ADCY2: variants seen among roughly 807,000 people sequenced by gnomAD.
ADCY2 encodes the protein adenylate cyclase 2, also known as adenylate cyclase type 2.
ADCY2 carries 31 observed loss-of-function variants against 125.2 expected under a neutral mutation model. The ratio of observed to expected loss-of-function variants is 0.25; its 90% CI spans 0.19 to 0.33. The LOEUF (loss-of-function observed/expected upper bound fraction) is 0.33, where lower values mean the gene tolerates loss of function less well. ADCY2 is among the 10% of genes least tolerant of loss of function. The pLI, the probability that ADCY2 is intolerant of heterozygous loss-of-function variation, is 1.00. For synonymous variants in ADCY2, 512 were observed against 548.4 expected, an observed-to-expected ratio of 0.93 and a Z score of 0.93; for missense variants, 904 against 1,418.2, an observed-to-expected ratio of 0.64 and a Z score of 5.82.
intron 3 of ADCY2, among the ~76,000 whole-genome samples, chr5:7,573,593 CTTT>C (rs763347773): frequency 5.8e-5 from 5 of 86,372 alleles, no homozygotes; most frequent in African/African-American, 1.3e-4. Flanking sequence ...GGTTGATTTT[CTTT>C]TTTTTTTTTT....
At chr5:7,807,665 C>A (rs1285095437) in intron 22 of ADCY2, among the ~76,000 whole-genome samples, 1 of 152,194 alleles carries the variant, frequency 6.6e-6, no homozygotes, top group Non-Finnish European at 1.5e-5. Flanking sequence ...AAACCTCTAT[C>A]CGCTATCTTG....
intron 2 of ADCY2, among the ~76,000 whole-genome samples, chr5:7,504,572 C>G (rs1480488754): frequency 6.6e-6 from 1 of 151,038 alleles, no homozygotes; most frequent in East Asian, 1.9e-4. Flanking sequence ...TTTTTCTTAT[C>G]TTTGAAGTGA....
chr5:7,468,997 G>A (rs889101723), intron 2 of ADCY2, among the ~76,000 whole-genome samples: 1 of 152,166 alleles, frequency 6.6e-6, no homozygotes, highest in Non-Finnish European at 1.5e-5. Context: ...CAAGGCAGAA[G>A]AGTGGTCAAA....
intron 3 of ADCY2, among the ~76,000 whole-genome samples, chr5:7,557,395 T>G (rs1735559785): frequency 6.6e-6 from 1 of 152,104 alleles, no homozygotes; most frequent in Non-Finnish European, 1.5e-5. Context: ...TATTTTAAGT[T>G]CAGGGGTACA....
At chr5:7,493,937 A>G (rs1486638063) in intron 2 of ADCY2, among the ~76,000 whole-genome samples, 1 of 151,972 alleles carries the variant, frequency 6.6e-6, no homozygotes. Flanking sequence ...AGCCAGCCCT[A>G]TAACGCTCTC....
intron 2 of ADCY2, among the ~76,000 whole-genome samples, chr5:7,428,653 C>G (rs1035111851): frequency 6.6e-6 from 1 of 152,078 alleles, no homozygotes; most frequent in African/African-American, 2.4e-5. Flanking sequence ...TAATTTCATT[C>G]CCAAGTAGAT....
At chr5:7,487,899 A>G (rs1042912983) in intron 2 of ADCY2, among the ~76,000 whole-genome samples, 1 of 152,218 alleles carries the variant, frequency 6.6e-6, no homozygotes, top group Non-Finnish European at 1.5e-5. Context: ...TTATTTAGAG[A>G]TTCTTTTATT....
intron 3 of ADCY2, among the ~76,000 whole-genome samples, chr5:7,544,932 G>A (rs1735104533): frequency 6.6e-6 from 1 of 152,214 alleles, no homozygotes; most frequent in African/African-American, 2.4e-5. Context: ...TGTTTGATGG[G>A]TATGCACTGG....
chr5:7,805,628 G>A (rs1230240891), intron 22 of ADCY2, among the ~76,000 whole-genome samples: 1 of 152,110 alleles, frequency 6.6e-6, no homozygotes, highest in Non-Finnish European at 1.5e-5. Context: ...ACTTTCTGTG[G>A]ACAGGCAGGT....
chr5:7,485,947 TTTTACA>T (rs1448725634), intron 2 of ADCY2, among the ~76,000 whole-genome samples: 7 of 152,190 alleles, frequency 4.6e-5, no homozygotes, highest in Non-Finnish European at 1.0e-4. Context: ...CATTTGAATC[TTTTACA>T]TTTATTTTAA....
rs1742342594 is a variant in ADCY2 at position 7,739,231 on chromosome 5, T to A, written c.1872-4437T>A. 3.3e-5 allele frequency among the ~76,000 whole-genome samples: 5 copies of A among 151,972 alleles called. No homozygotes were observed. In the South Asian group the frequency reaches 8.3e-4, roughly 25 times the overall value. On this transcript the variant is annotated intron_variant, in intron 14 of 24. Transcript: ENST00000338316. Reference sequence around the variant, plus strand: ...GACAAAAAAATCATATAGTCTGACGTCTAACCACACTAAAATCAAATTAGA... The same window carrying A: ...GACAAAAAAATCATATAGTCTGACGACTAACCACACTAAAATCAAATTAGA...
At chr5:7,469,286 T>A (rs1471879283) in intron 2 of ADCY2, among the ~76,000 whole-genome samples, 4 of 150,566 alleles carry the variant, frequency 2.7e-5, no homozygotes. Flanking sequence ...TGTGACTATA[T>A]GAGTACATTC....
intron 3 of ADCY2, among the ~76,000 whole-genome samples, chr5:7,528,769 A>G (rs889423510): frequency 1.3e-5 from 2 of 152,160 alleles, no homozygotes; most frequent in African/African-American, 4.8e-5. Flanking sequence ...AATTTCCCCA[A>G]TCCGTGCATG....
chr5:7,724,690 T>A (rs1361718425), intron 13 of ADCY2, 76 bp downstream of exon 13: 7 of 1,115,178 alleles, frequency 6.3e-6, no homozygotes, highest in South Asian at 5.5e-5. Context: ...TGTGCTCATG[T>A]TTTTTATATG....
chr5:7,591,931 A>G (rs1008486299), intron 3 of ADCY2, among the ~76,000 whole-genome samples: 2 of 152,184 alleles, frequency 1.3e-5, no homozygotes, highest in Admixed American at 6.5e-5. Context: ...AAATTTTTCA[A>G]TCTTCTTATC....
At chr5:7,689,494 G>A (rs974025467) in intron 4 of ADCY2, among the ~76,000 whole-genome samples, 2 of 152,164 alleles carry the variant, frequency 1.3e-5, no homozygotes, top group African/African-American at 2.4e-5. Flanking sequence ...CACATACTGT[G>A]TTTTCTGTTG....
At chr5:7,661,754 A>G (rs1739540782) in intron 4 of ADCY2, among the ~76,000 whole-genome samples, 2 of 152,138 alleles carry the variant, frequency 1.3e-5, no homozygotes, top group South Asian at 4.1e-4. Context: ...AAAAAATTGT[A>G]TTTTTATTTT....
At chr5:7,568,561 T>C (rs1735978381) in intron 3 of ADCY2, among the ~76,000 whole-genome samples, 1 of 152,064 alleles carries the variant, frequency 6.6e-6, no homozygotes, top group African/African-American at 2.4e-5. Context: ...GAGTCCAAGA[T>C]GGGAGGTGTT....
chr5:7,756,711 A>T (rs1170613241), intron 15 of ADCY2, among the ~76,000 whole-genome samples: 2 of 152,152 alleles, frequency 1.3e-5, no homozygotes, highest in African/African-American at 4.8e-5. Flanking sequence ...TTCCATGGGT[A>T]TAGAGTTTCA....
Sources: allele counts gnomAD v4.1 joint callset (sites outside exome capture counted in the v4.1 genomes callset), GRCh38; gene constraint gnomAD v4.1.1; transcripts MANE v1.5; gene names NCBI Gene and HGNC (gene_info 2026-07-23, HGNC 2026-07-21).